ADAMTSL1: variants seen among roughly 807,000 people sequenced by gnomAD.
ADAMTSL1 encodes the protein ADAMTS like 1, also known as ADAMTS-like protein 1.
ADAMTSL1 carries 126 observed loss-of-function variants against 201.8 expected under a neutral mutation model. That is an observed-to-expected ratio of 0.62 (90% CI 0.54 to 0.72). The LOEUF (loss-of-function observed/expected upper bound fraction) is 0.72, where lower values mean the gene tolerates loss of function less well. ADAMTSL1 is among the 30% of genes least tolerant of loss of function. ADAMTSL1 has a pLI of 0.00. For synonymous variants in ADAMTSL1, 1,121 were observed against 903.4 expected (o/e 1.24, Z -4.32); for missense variants, 2,679 against 2,277.8 (o/e 1.18, Z -3.59).
At chr9:18,820,636 T>A (rs922411883) in intron 21 of ADAMTSL1, among the ~76,000 whole-genome samples, 1 of 152,240 alleles carries the variant, frequency 6.6e-6, no homozygotes. Context: ...CCAACTCACA[T>A]GTTTGAATTG....
intron 19 of ADAMTSL1, among the ~76,000 whole-genome samples, chr9:18,780,022 G>A (rs1349757130): frequency 1.3e-5 from 2 of 152,234 alleles, no homozygotes; most frequent in African/African-American, 4.8e-5. Flanking sequence ...AGGGCAATGG[G>A]AAGGGGTCAT....
At chr9:18,230,784 A>G (rs1040657363) in intron 2 of ADAMTSL1, among the ~76,000 whole-genome samples, 1 of 152,196 alleles carries the variant, frequency 6.6e-6, no homozygotes, top group South Asian at 2.1e-4. Flanking sequence ...GACCAAACTC[A>G]TGGTAGCTTT....
At chr9:18,514,840 A>G (rs911761189) in intron 2 of ADAMTSL1, among the ~76,000 whole-genome samples, 2 of 152,194 alleles carry the variant, frequency 1.3e-5, no homozygotes, top group African/African-American at 4.8e-5. Flanking sequence ...AGAAGTGGCA[A>G]GAGTGAGCAA....
chr9:18,839,857 C>T (rs1825597778), intron 23 of ADAMTSL1, among the ~76,000 whole-genome samples: 1 of 150,276 alleles, frequency 6.7e-6, no homozygotes. Context: ...CTGTTCATGT[C>T]CTTCGCCCAC....
intron 2 of ADAMTSL1, among the ~76,000 whole-genome samples, chr9:18,378,624 T>G (rs1837413038): frequency 6.6e-6 from 1 of 152,090 alleles, no homozygotes; most frequent in Admixed American, 6.6e-5. Context: ...GAACAAGCCT[T>G]TCTCCTCCTC....
chr9:18,172,600 T>A (rs1161174648), intron 2 of ADAMTSL1, among the ~76,000 whole-genome samples: 1 of 152,104 alleles, frequency 6.6e-6, no homozygotes, highest in Admixed American at 6.6e-5. Context: ...AATATATTCA[T>A]GTCCTAAATC....
chr9:18,791,756 A>G (rs1486161410), intron 19 of ADAMTSL1, among the ~76,000 whole-genome samples: 1 of 152,224 alleles, frequency 6.6e-6, no homozygotes, highest in East Asian at 1.9e-4. Context: ...ATCTATGTAT[A>G]TAGTGTTTAT....
chr9:18,676,050 G>T, intron 10 of ADAMTSL1, 143 bp downstream of exon 10: 3 of 809,428 alleles, frequency 3.7e-6, no homozygotes, highest in South Asian at 3.3e-5. Flanking sequence ...AATCCATCCT[G>T]AGTTCTGCTT....
At chr9:18,280,600 T>C (rs1268183262) in intron 2 of ADAMTSL1, among the ~76,000 whole-genome samples, 1 of 152,166 alleles carries the variant, frequency 6.6e-6, no homozygotes, top group Non-Finnish European at 1.5e-5. Context: ...ATGATTTTTT[T>C]GCAGATTTAA....
chr9:18,012,599 A>G (rs1161034963), intron 1 of ADAMTSL1, among the ~76,000 whole-genome samples: 1 of 152,016 alleles, frequency 6.6e-6, no homozygotes, highest in African/African-American at 2.4e-5. Flanking sequence ...ATAGTCACAG[A>G]TTTGTGTGAG....
At chr9:18,018,877 G>A (rs1820367021) in intron 1 of ADAMTSL1, among the ~76,000 whole-genome samples, 1 of 152,190 alleles carries the variant, frequency 6.6e-6, no homozygotes, top group African/African-American at 2.4e-5. Context: ...TTGGCACCTG[G>A]AAGTGGGAGC....
rs185648440 is a variant in ADAMTSL1 at position 18,767,112 on chromosome 9, G to C, written c.2218-3490G>C. Among the ~76,000 whole-genome samples the C allele has an allele frequency of 3.4e-3, 516 of 152,234 alleles. 3 individuals are homozygous for C. The highest frequency in any genetic ancestry group is 6.8e-3 in the Middle Eastern group (2 of 294). ...AATGGGGAAGACTGAGAGAGAAGTA[G>C]GTTTGGGATGAGGTTGGAAGGGCAG... On this transcript the variant is annotated intron_variant, in intron 16 of 28. Transcript: ENST00000380548.
chr9:18,427,735 G>A (rs1174358490), intron 2 of ADAMTSL1, among the ~76,000 whole-genome samples: 1 of 152,210 alleles, frequency 6.6e-6, no homozygotes, highest in Non-Finnish European at 1.5e-5. Context: ...AAGCCTTGCA[G>A]GTTACATTTT....
chr9:18,151,246 T>A (rs954701264), intron 1 of ADAMTSL1, among the ~76,000 whole-genome samples: 7 of 152,032 alleles, frequency 4.6e-5, no homozygotes, highest in Non-Finnish European at 1.5e-5. Flanking sequence ...CAAAAAACCT[T>A]TACACAACTG....
At position 18,896,484 on chromosome 9, in the gene ADAMTSL1, G is replaced by C. The variant is rs563873597; in HGVS notation, c.4851+3888G>C. 4.5e-3 allele frequency among the ~76,000 whole-genome samples: 565 copies of C among 125,970 alleles called. 1 individual carries two copies. The highest frequency in any genetic ancestry group is 0.015 in the Admixed American group (176 of 11,900). The allele number at this position is 125,970 out of a possible 152,430, so 82.6% of individuals were successfully genotyped here. A position where few individuals can be genotyped will look rare whatever the true frequency, so the allele number is the denominator to read the frequency against. The stretch of plus-strand genomic sequence containing the variant: ...GCAGCTGCAGTCCACAGCTCTCACA[G>C]AGAGGAATGAAAATGGGGAGTCAAT... On this transcript the variant is annotated intron_variant, in intron 26 of 28. Transcript: ENST00000380548.
intron 15 of ADAMTSL1, among the ~76,000 whole-genome samples, chr9:18,740,833 C>T (rs887752382): frequency 1.3e-4 from 20 of 152,140 alleles, no homozygotes; most frequent in African/African-American, 4.6e-4. Flanking sequence ...TCCCTGAAGG[C>T]TTCATGGAAG....
chr9:18,380,988 C>T (rs373823544), intron 2 of ADAMTSL1, among the ~76,000 whole-genome samples: 1 of 152,202 alleles, frequency 6.6e-6, no homozygotes, highest in Non-Finnish European at 1.5e-5. Context: ...GTGTCTCCTG[C>T]TAGTTCATCT....
chr9:18,506,944 G>A (rs1388747493), intron 2 of ADAMTSL1, among the ~76,000 whole-genome samples: 2 of 152,250 alleles, frequency 1.3e-5, no homozygotes, highest in African/African-American at 4.8e-5. Flanking sequence ...CCAGTGCTTA[G>A]TATGGACTGA....
intron 1 of ADAMTSL1, among the ~76,000 whole-genome samples, chr9:18,061,399 G>A (rs1430253018): frequency 1.3e-5 from 2 of 152,062 alleles, no homozygotes; most frequent in Admixed American, 1.3e-4. Flanking sequence ...AACCATAGTA[G>A]CCTCAGTTTA....
Sources: gnomAD v4.1 joint callset for allele counts (sites outside exome capture counted in the v4.1 genomes callset) on GRCh38, gnomAD v4.1.1 for gene constraint, MANE v1.5 for transcripts, NCBI Gene and HGNC (gene_info 2026-07-23, HGNC 2026-07-21) for gene names.